The following SLC17A7 variants were observed in gnomAD, a reference collection of about 807,000 sequenced individuals.
SLC17A7 encodes the protein solute carrier family 17 member 7, also known as vesicular glutamate transporter 1.
A neutral mutation model predicts 59.1 loss-of-function variants in SLC17A7; 15 were observed. That is an observed-to-expected ratio of 0.25 (90% CI 0.17 to 0.39). The LOEUF is 0.39. Among genes scored for constraint, SLC17A7 ranks in the 10% least tolerant of loss-of-function variants. The probability of loss-of-function intolerance (pLI) is 1.00; values close to 1 mark genes in which losing one functional copy is unlikely to be tolerated. For missense variants in SLC17A7, 499 were observed against 765.1 expected, an observed-to-expected ratio of 0.65 and a Z score of 4.10; for synonymous variants, 353 against 308.9, an observed-to-expected ratio of 1.14 and a Z score of -1.50.
rs745341725 is a variant in SLC17A7 at position 49,436,623 on chromosome 19, A to C, written c.241T>G (p.Cys81Gly). 6.8e-6 allele frequency: 11 copies of C among 1,613,896 alleles called. No individual in the cohort carries two copies. Among genetic ancestry groups the C allele is most frequent in the Non-Finnish European group, 9.3e-6 (11 of 1,179,974 alleles). ...LGFCISFGIR[C>G]NLGVAIVSMV... is the part of the protein sequence containing the mutation. ...GAGACGATGGCCACGCCCAGGTTGC[A>C]GCGGATGCCAAAGCTGATGCAGAAG... Residue 81 changes from cysteine (C) to glycine (G), a missense_variant, in exon 2 of 12, where the codon TGC becomes GGC. By Grantham distance (159) the Cys-to-Gly change is radical. Coordinates refer to ENST00000221485, the MANE Select transcript of SLC17A7 (RefSeq NM_020309.4). The surrounding 1 kb of genome is among the most constrained non-coding windows in gnomAD (Gnocchi z 4.1).
At position 49,441,369 on chromosome 19, in the gene SLC17A7, C is replaced by G. The variant is rs145435470; in HGVS notation, c.11G>C (p.Arg4Pro). MEF[R>P]QEEFRKLAGR... ...CGCTAGCTTCCGAAACTCCTCCTGGCGGAACTCCATGGTGGCGGCTCCTGC... is the reference window on the plus strand; with the variant it reads ...CGCTAGCTTCCGAAACTCCTCCTGGGGGAACTCCATGGTGGCGGCTCCTGC... Residue 4 changes from arginine (R) to proline (P), a missense_variant, in exon 1 of 12, where the codon CGC (arginine) becomes CCC (proline). Arg to Pro is a moderately radical substitution (Grantham distance 103). Around this residue, in one of 3 missense-constraint regions of SLC17A7, gnomAD observed 78 missense variants for 80.4 expected, o/e 0.97. Transcript: ENST00000221485. 1.9e-5 allele frequency: 30 copies of G among 1,599,058 alleles called. No homozygotes were observed. The highest frequency in any genetic ancestry group is 2.4e-5 in the Non-Finnish European group (28 of 1,175,426).
Position 49,431,347 on chromosome 19 carries a change from C to T in SLC17A7, c.1252G>A (p.Ala418Thr), listed in dbSNP as rs1420335327. ...GATCCGCGGTTCTCACCAGAGATGG[C>T]GAAGCCGCTGAAGCCCACGGCTAGG... ...LVLAVGFSGF[A>T]ISGFNVNHLD... The change falls in exon 10 of 12, where the codon GCC becomes ACC. Residue 418 changes from alanine (A) to threonine (T), a missense_variant. Ala to Thr is a moderately conservative substitution (Grantham distance 58). Coordinates refer to ENST00000221485, the MANE Select transcript of SLC17A7 (RefSeq NM_020309.4). The surrounding 1 kb of genome is among the most constrained non-coding windows in gnomAD (Gnocchi z 4.6). 6.2e-7 allele frequency: 1 copy of T among 1,613,864 alleles called. No homozygotes were observed.
At chr19:49,432,476 A>G in intron 9 of SLC17A7, 43 bp downstream of exon 9, 1 of 1,595,068 alleles carries the variant, frequency 6.3e-7, no homozygotes, top group Non-Finnish European at 8.6e-7. Flanking sequence ...GCTCTGCTCC[A>G]CCCAGGCTGT....
At chr19:49,430,843 G>A (rs375492930) in intron 11 of SLC17A7, 31 bp from the exon 12 acceptor site, 1 of 1,581,370 alleles carries the variant, frequency 6.3e-7, no homozygotes, top group Middle Eastern at 1.7e-4. Flanking sequence ...GAGGTCAAAT[G>A]GGAGGACAGA....
Position 49,431,646 on chromosome 19 carries a change from C to T in SLC17A7, c.1151-198G>A, listed in dbSNP as rs2078960473. Among the ~76,000 whole-genome samples the T allele has an allele frequency of 6.6e-6, 1 of 152,138 alleles. No individual in the cohort carries two copies. The highest frequency in any genetic ancestry group is 2.4e-5 in the African/African-American group (1 of 41,434). Reference sequence around the variant, plus strand: ...TAACCAGGCCCCTACTTCTCCAAGACCCAGCCCTGACCACGCCCACCAGCT... The same window carrying T: ...TAACCAGGCCCCTACTTCTCCAAGATCCAGCCCTGACCACGCCCACCAGCT... On this transcript the variant is annotated intron_variant, in intron 9 of 11. Coordinates refer to ENST00000221485, the MANE Select transcript of SLC17A7 (RefSeq NM_020309.4). The surrounding 1 kb of genome is among the most constrained non-coding windows in gnomAD (Gnocchi z 4.6).
Position 49,429,909 on chromosome 19 carries a change from G to T in SLC17A7, c.*610C>A. 1 of 234,252 alleles carries T rather than the reference G, an allele frequency of 4.3e-6. No homozygotes were observed. The allele number at this position is 234,252 out of a possible 1,614,324, so 14.5% of individuals were successfully genotyped here. ...GGGAGAAGAGGGTCTTGAGAAATTT[G>T]GTGCTTTCGCAGAATCTGCTGGTAG... On this transcript the variant is annotated 3_prime_UTR_variant, in exon 12 of 12. Coordinates refer to ENST00000221485, the MANE Select transcript of SLC17A7 (RefSeq NM_020309.4).
chr19:49,436,966 TC>T lies in SLC17A7; in HGVS notation c.63-166del, dbSNP rs1344897979. 3.0e-6 allele frequency: 3 copies of T among 993,272 alleles called. No homozygotes were observed. Among genetic ancestry groups the T allele is most frequent in the Admixed American group, 5.8e-5 (2 of 34,460 alleles). The allele number at this position is 993,272 out of a possible 1,614,324, so 61.5% of individuals were successfully genotyped here. On this transcript the variant is annotated intron_variant, in intron 1 of 11. Transcript: ENST00000221485. This position sits in a 1 kb window ranked among gnomAD's most constrained non-coding sequence, Gnocchi z 4.1. ...TCCCTGGCTCCCTTCGCCCCCCTGATCCAGAAATCCTCCATCTCCCTCAGAC... is the reference window on the plus strand; with the variant it reads ...TCCCTGGCTCCCTTCGCCCCCCTGATCAGAAATCCTCCATCTCCCTCAGAC...
rs1487100788 is a variant in SLC17A7 at position 49,436,582 on chromosome 19, G to T, written c.282C>A (p.Ser94Arg). 6.2e-7 allele frequency: 1 copy of T among 1,613,898 alleles called. No individual in the cohort carries two copies. Reference sequence around the variant, plus strand: ...CCACGTGGCCCCCGCGGTGGGTCGTGCTGTTATTGACCATGGAGACGATGG... The same window carrying T: ...CCACGTGGCCCCCGCGGTGGGTCGTTCTGTTATTGACCATGGAGACGATGG... ...GVAIVSMVNN[S>R]TTHRGGHVVV... Residue 94 changes from serine (S) to arginine (R), a missense_variant, in exon 2 of 12, where the codon AGC (serine) becomes AGA (arginine). This residue lies in a region of SLC17A7 where 323 missense variants were observed against 607.2 expected (regional missense o/e 0.53). Coordinates refer to ENST00000221485, the MANE Select transcript of SLC17A7 (RefSeq NM_020309.4). This position sits in a 1 kb window ranked among gnomAD's most constrained non-coding sequence, Gnocchi z 4.1.
In SLC17A7 at chr19:49,432,874, G is replaced by T; in HGVS notation, c.954C>A (p.Phe318Leu). 1 of 1,596,880 alleles carries T rather than the reference G, an allele frequency of 6.3e-7. No individual in the cohort carries two copies. Among genetic ancestry groups the T allele is most frequent in the Non-Finnish European group, 8.5e-7 (1 of 1,171,682 alleles). Reference sequence around the variant, plus strand: ...CGGGCTGGGAGATGAGCAGCAGGTAGAACGTCCAGCTGCGGCAGAAGTTGG... The same window carrying T: ...CGGGCTGGGAGATGAGCAGCAGGTATAACGTCCAGCTGCGGCAGAAGTTGG... ...IVANFCRSWT[F>L]YLLLISQPAY... The change falls in exon 8 of 12, where the codon TTC becomes TTA. Residue 318 changes from phenylalanine to leucine, a missense_variant. Coordinates refer to ENST00000221485, the MANE Select transcript of SLC17A7 (RefSeq NM_020309.4).
In SLC17A7 at chr19:49,431,450, TA is replaced by T; in HGVS notation, c.1151-3del. The T allele has an allele frequency of 6.2e-7, 1 of 1,612,460 alleles. No individual in the cohort carries two copies. Among genetic ancestry groups the T allele is most frequent in the Non-Finnish European group, 8.5e-7 (1 of 1,179,332 alleles). On this transcript the variant is annotated splice_region_variant and splice_polypyrimidine_tract_variant and intron_variant, in intron 9 of 11. Coordinates refer to ENST00000221485, the MANE Select transcript of SLC17A7 (RefSeq NM_020309.4). The surrounding 1 kb of genome is among the most constrained non-coding windows in gnomAD (Gnocchi z 4.6). Reference sequence around the variant, plus strand: ...GCAGCGTGGCTTCCATGCCGAAGCCTACGGGGGCGGGGGGGGCCCGCGTCTC... The same window carrying T: ...GCAGCGTGGCTTCCATGCCGAAGCCTCGGGGGCGGGGGGGGCCCGCGTCTC...
Position 49,434,805 on chromosome 19 carries a change from C to A in SLC17A7, c.512G>T (p.Cys171Phe). ...CTGCAGGATCCTCACGAAGATGACA[C>A]AGCCATAGTGGACGCGGGCAGCTGA... ...IPSAARVHYG[C>F]VIFVRILQGL... The change falls in exon 4 of 12, where the codon TGT (cysteine) becomes TTT (phenylalanine). Residue 171 changes from cysteine (C) to phenylalanine (F), a missense_variant. Coordinates refer to ENST00000221485, the MANE Select transcript of SLC17A7 (RefSeq NM_020309.4). 2 of 1,614,178 alleles carry A rather than the reference C, an allele frequency of 1.2e-6. No homozygotes were observed. The highest frequency in any genetic ancestry group is 1.7e-6 in the Non-Finnish European group (2 of 1,180,040).
Position 49,429,630 on chromosome 19 carries a change from A to G in SLC17A7, c.*889T>C. Reference sequence around the variant, plus strand: ...TTTTGAGTCATTAAGCCCCTGAGGGACACAACAAATGGCCACTGAGAAACA... The same window carrying G: ...TTTTGAGTCATTAAGCCCCTGAGGGGCACAACAAATGGCCACTGAGAAACA... On this transcript the variant is annotated 3_prime_UTR_variant, in exon 12 of 12. Coordinates refer to ENST00000221485, the MANE Select transcript of SLC17A7 (RefSeq NM_020309.4). The G allele has an allele frequency of 2.5e-6, 1 of 398,932 alleles. No homozygotes were observed. The highest frequency in any genetic ancestry group is 4.4e-6 in the Non-Finnish European group (1 of 226,026). 24.7% of individuals were successfully genotyped at this position (398,932 alleles called of 1,614,324 possible).
In SLC17A7 at chr19:49,436,784, T is replaced by C. The variant is rs956983421; in HGVS notation, c.80A>G (p.Gln27Arg). The change falls in exon 2 of 12, where the codon CAG becomes CGG. Residue 27 changes from glutamine (Q) to arginine (R), a missense_variant. This residue lies in a region of SLC17A7 where 78 missense variants were observed against 80.4 expected (regional missense o/e 0.97). Transcript: ENST00000221485. The surrounding 1 kb of genome is among the most constrained non-coding windows in gnomAD (Gnocchi z 4.1). ...GKLHRLLEKRQEGAETLELSA... is the reference protein window; with the variant it reads ...GKLHRLLEKRREGAETLELSA... ...CAGCTCCAGCGTCTCCGCGCCTTCC[T>C]GCCGCTTCTCCAGAAGGCTGCGGGA... 8 of 1,602,966 alleles carry C rather than the reference T, an allele frequency of 5.0e-6. No individual in the cohort carries two copies. The highest frequency in any genetic ancestry group is 4.2e-6 in the Non-Finnish European group (5 of 1,179,738).
chr19:49,431,212 C>T lies in SLC17A7; in HGVS notation c.1262-70G>A, dbSNP rs943187055. On this transcript the variant is annotated intron_variant, in intron 10 of 11. Transcript: ENST00000221485. The surrounding 1 kb of genome is among the most constrained non-coding windows in gnomAD (Gnocchi z 4.6). The stretch of plus-strand genomic sequence containing the variant: ...CGAGTGATTCCCACTGGGACGTTCT[C>T]AACCCTCTCCCCTCCCCGCCACTCA... 1 of 1,567,278 alleles carries T rather than the reference C, an allele frequency of 6.4e-7. No homozygotes were observed. The highest frequency in any genetic ancestry group is 8.7e-7 in the Non-Finnish European group (1 of 1,153,840).
chr19:49,431,458 C>A lies in SLC17A7; in HGVS notation c.1151-10G>T. On this transcript the variant is annotated splice_polypyrimidine_tract_variant and intron_variant, in intron 9 of 11. Transcript: ENST00000221485. This position sits in a 1 kb window ranked among gnomAD's most constrained non-coding sequence, Gnocchi z 4.6. ...GCTTCCATGCCGAAGCCTACGGGGG[C>A]GGGGGGGGCCCGCGTCTCCTGAGTG... The A allele has an allele frequency of 1.2e-6, 2 of 1,603,186 alleles. No homozygotes were observed. Among genetic ancestry groups the A allele is most frequent in the African/African-American group, 1.3e-5 (1 of 74,594 alleles).
Position 49,434,661 on chromosome 19 carries a change from A to G in SLC17A7, c.578T>C (p.Ile193Thr). 6.2e-7 allele frequency: 1 copy of G among 1,613,926 alleles called. No individual in the cohort carries two copies. The highest frequency in any genetic ancestry group is 8.5e-7 in the Non-Finnish European group (1 of 1,179,934). ...TAAGGGTGGGGCCCATTTGCTCCAG[A>G]TCCCATGGCAGGCGGGGTATGTGAC... is the stretch of plus-strand genomic sequence containing the variant. ...EGVTYPACHG[I>T]WSKWAPPLER... The change falls in exon 5 of 12, where the codon ATC becomes ACC. Residue 193 changes from isoleucine to threonine, a missense_variant. By Grantham distance (89) the Ile-to-Thr change is moderately conservative. This residue lies in a region of SLC17A7 where 323 missense variants were observed against 607.2 expected (regional missense o/e 0.53). Coordinates refer to ENST00000221485, the MANE Select transcript of SLC17A7 (RefSeq NM_020309.4).
Position 49,434,887 on chromosome 19 carries a change from T to C in SLC17A7, c.435-5A>G, listed in dbSNP as rs2078974318. On this transcript the variant is annotated splice_polypyrimidine_tract_variant and splice_region_variant and intron_variant, in intron 3 of 11. Transcript: ENST00000221485. The stretch of plus-strand genomic sequence containing the variant: ...ACAATAGCAAAGCCGAAAACTCTGA[T>C]GGGAAGGGTCAGAGAAAAGAATCCA... 6.2e-7 allele frequency: 1 copy of C among 1,610,158 alleles called. No homozygotes were observed.
At chr19:49,440,305 C>T (rs1200458718) in intron 1 of SLC17A7, among the ~76,000 whole-genome samples, 1 of 152,286 alleles carries the variant, frequency 6.6e-6, no homozygotes, top group Non-Finnish European at 1.5e-5. Context: ...GAGGGCACGG[C>T]GGCAGGGGCA....
At chr19:49,434,925 A>T (rs1392658280) in intron 3 of SLC17A7, 43 bp from the exon 4 acceptor site, 1 of 1,578,854 alleles carries the variant, frequency 6.3e-7, no homozygotes, top group East Asian at 2.3e-5. Flanking sequence ...CTATCCAGCC[A>T]TGCCCGGGAT....
Sources: gnomAD v4.1 joint callset for allele counts (sites outside exome capture counted in the v4.1 genomes callset) on GRCh38, gnomAD v4.1.1 for gene constraint, gnomAD v4.1.1 regional missense constraint, Gnocchi (gnomAD v3.1) non-coding constraint, MANE v1.5 for transcripts, NCBI Gene and HGNC (gene_info 2026-07-23, HGNC 2026-07-21) for gene names.